SLC35D2: variants seen among roughly 807,000 people sequenced by gnomAD.
The protein encoded by SLC35D2 is nucleotide sugar transporter SLC35D2.
Under a neutral mutation model 41.8 loss-of-function variants are expected in SLC35D2, and 43 were observed. The ratio of observed to expected loss-of-function variants is 1.03; its 90% confidence interval spans 0.81 to 1.33. The LOEUF is 1.33. Among genes scored for constraint, SLC35D2 ranks in the 40% most tolerant of loss-of-function variants. SLC35D2 has a pLI of 0.00. For missense variants in SLC35D2, 380 were observed against 408.4 expected, an observed-to-expected ratio of 0.93 and a Z score of 0.60; for synonymous variants, 150 against 163.9, an observed-to-expected ratio of 0.92 and a Z score of 0.65.
intron 9 of SLC35D2, among the ~76,000 whole-genome samples, chr9:96,329,365 G>A (rs913655931): frequency 4.0e-5 from 6 of 151,898 alleles, no homozygotes; most frequent in South Asian, 2.1e-4. Flanking sequence ...TGAGTAGCTG[G>A]AACTACAAGA....
intron 1 of SLC35D2, among the ~76,000 whole-genome samples, chr9:96,373,595 G>A (rs1263170686): frequency 6.6e-6 from 1 of 151,468 alleles, no homozygotes; most frequent in Non-Finnish European, 1.5e-5. Flanking sequence ...GCTGAGGCAG[G>A]AGAATTGCTT....
chr9:96,374,097 A>C (rs1028314609), intron 1 of SLC35D2: 2 of 152,182 alleles, frequency 1.3e-5, no homozygotes, highest in Non-Finnish European at 2.9e-5. Flanking sequence ...TCAAAATAAA[A>C]AGTTTGGGAG....
intron 6 of SLC35D2, among the ~76,000 whole-genome samples, chr9:96,347,254 G>A (rs560280956): frequency 7.9e-5 from 12 of 152,228 alleles, no homozygotes; most frequent in Non-Finnish European, 1.5e-4. Context: ...GAAAGGGGAT[G>A]GGGGGAGATG....
At chr9:96,350,346 C>CTTTTTTTTTTTTT (rs1564107383) in intron 6 of SLC35D2, among the ~76,000 whole-genome samples, 1 of 130,534 alleles carries the variant, frequency 7.7e-6, no homozygotes, top group African/African-American at 3.3e-5. Context: ...AATTTTCTTT[C>CTTTTTTTTTTTTT]CTTTTTTTTT....
intron 2 of SLC35D2, among the ~76,000 whole-genome samples, chr9:96,366,288 C>G (rs1830468955): frequency 7.2e-6 from 1 of 138,818 alleles, no homozygotes; most frequent in Admixed American, 7.6e-5. Flanking sequence ...GGCAAGAGAG[C>G]CAGACACTGG....
chr9:96,379,897 CCTTT>C, intron 1 of SLC35D2, among the ~76,000 whole-genome samples: 1 of 145,988 alleles, frequency 6.8e-6, no homozygotes, highest in Admixed American at 6.8e-5. Flanking sequence ...AAGGCTAGAG[CCTTT>C]TTTTTTTTTT....
At chr9:96,378,092 TA>T (rs11313136) in intron 1 of SLC35D2, among the ~76,000 whole-genome samples, 43,281 of 151,674 alleles carry the variant, frequency 0.29, 8,505 homozygotes, top group African/African-American at 0.57. Flanking sequence ...TACCTTTTAT[TA>T]AAAAAAACCT....
At chr9:96,360,856 C>T (rs774933042) in intron 3 of SLC35D2, among the ~76,000 whole-genome samples, 1 of 151,820 alleles carries the variant, frequency 6.6e-6, no homozygotes, top group Non-Finnish European at 1.5e-5. Flanking sequence ...ATTCTCCTGC[C>T]TCAGTCTCCC....
At position 96,368,313 on chromosome 9, in the gene SLC35D2, G is replaced by T; in HGVS notation, c.159-8C>A. On this transcript the variant is annotated splice_polypyrimidine_tract_variant and splice_region_variant and intron_variant, in intron 1 of 11. Transcript: ENST00000253270. ...AAAATTGGTGACGGGAAACTACAAAGGACACAGAACAACAAATCAGTTGAG... is the reference window on the plus strand; with the variant it reads ...AAAATTGGTGACGGGAAACTACAAATGACACAGAACAACAAATCAGTTGAG... 1.2e-6 allele frequency: 2 copies of T among 1,602,500 alleles called. No individual in the cohort carries two copies. The highest frequency in any genetic ancestry group is 1.7e-6 in the Non-Finnish European group (2 of 1,173,140).
intron 3 of SLC35D2, among the ~76,000 whole-genome samples, chr9:96,363,300 C>A (rs985298183): frequency 6.6e-6 from 1 of 152,158 alleles, no homozygotes; most frequent in Non-Finnish European, 1.5e-5. Context: ...CCACACTGGG[C>A]TCCCCTGATT....
Position 96,322,012 on chromosome 9 carries a change from TACA to T in SLC35D2, c.897_899del (p.Phe299_Val300delinsLeu). The T allele has an allele frequency of 6.3e-7, 1 of 1,597,234 alleles. No individual in the cohort carries two copies. Among genetic ancestry groups the T allele is most frequent in the East Asian group, 2.2e-5 (1 of 44,804 alleles). On this transcript the variant is annotated inframe_deletion, in exon 11 of 12. Coordinates refer to ENST00000253270, the MANE Select transcript of SLC35D2 (RefSeq NM_007001.3). ...TTCCCACTCACCAAATATTTAACCC[TACA>T]AAGTTTAACAAAGAGAAAATGTAGT...
chr9:96,376,294 CAAA>C (rs1163220771), intron 1 of SLC35D2, among the ~76,000 whole-genome samples: 6 of 54,404 alleles, frequency 1.1e-4, no homozygotes, highest in Admixed American at 4.3e-4. Flanking sequence ...GACTCTGTCT[CAAA>C]AAAAAAAAAA....
chr9:96,351,656 T>C lies in SLC35D2; in HGVS notation c.419+382A>G, dbSNP rs139154663. Among the ~76,000 whole-genome samples the C allele has an allele frequency of 5.6e-3, 857 of 152,276 alleles. 5 individuals are homozygous for C. The highest frequency in any genetic ancestry group is 9.3e-3 in the Non-Finnish European group (635 of 68,022). ...AAATTAATTTCTTCTGATATTATAA[T>C]TACTGCGTCAGAATTGATATCCCTC... On this transcript the variant is annotated intron_variant, in intron 5 of 11. Transcript: ENST00000253270.
chr9:96,337,768 G>C (rs901169579), intron 8 of SLC35D2, among the ~76,000 whole-genome samples: 1 of 151,670 alleles, frequency 6.6e-6, no homozygotes, highest in Non-Finnish European at 1.5e-5. Context: ...GATCACCTGA[G>C]GTCAGGAGTT....
intron 3 of SLC35D2, among the ~76,000 whole-genome samples, chr9:96,363,793 C>T (rs1342980004): frequency 6.6e-6 from 1 of 152,148 alleles, no homozygotes; most frequent in African/African-American, 2.4e-5. Context: ...TGGACATCAA[C>T]CCATTTAAAT....
intron 3 of SLC35D2, 36 bp downstream of exon 3, chr9:96,364,428 C>A (rs1830399520): frequency 2.4e-6 from 3 of 1,228,258 alleles, no homozygotes; most frequent in African/African-American, 3.0e-5. Context: ...ATTTTCACAT[C>A]TTCTATCACA....
chr9:96,324,548 AC>A, intron 9 of SLC35D2, among the ~76,000 whole-genome samples: 1 of 88,486 alleles, frequency 1.1e-5, no homozygotes, highest in East Asian at 5.2e-4. Flanking sequence ...CGCCTGCTGC[AC>A]TTTTTTTTTT....
chr9:96,320,252 G>A (rs548930463), downstream of SLC35D2, among the ~76,000 whole-genome samples: 9 of 152,298 alleles, frequency 5.9e-5, no homozygotes, highest in East Asian at 5.8e-4. Flanking sequence ...GGTGGCTCAC[G>A]CCTGTGATCC....
intron 9 of SLC35D2, among the ~76,000 whole-genome samples, chr9:96,329,304 C>T (rs552879889): frequency 6.6e-6 from 1 of 152,002 alleles, no homozygotes; most frequent in South Asian, 2.1e-4. Flanking sequence ...CATCATAGCT[C>T]ACTGCAGCCT....
Sources: allele counts gnomAD v4.1 joint callset (sites outside exome capture counted in the v4.1 genomes callset), GRCh38; gene constraint gnomAD v4.1.1; transcripts MANE v1.5; gene names NCBI Gene and HGNC (gene_info 2026-07-23, HGNC 2026-07-21).